Variants in CD247 observed in about 807,000 individuals in gnomAD.
The protein encoded by CD247 is T-cell surface glycoprotein CD3 zeta chain.
CD247 carries 13 observed loss-of-function variants against 30.0 expected under a neutral mutation model. That is an observed-to-expected ratio of 0.43 (90% CI 0.28 to 0.69). The LOEUF (loss-of-function observed/expected upper bound fraction) is 0.69. Among genes scored for constraint, CD247 ranks in the 30% least tolerant of loss-of-function variants. The pLI is 0.16. For missense variants in CD247, 193 were observed against 212.6 expected, an observed-to-expected ratio of 0.91 and a Z score of 0.57; for synonymous variants, 72 against 80.0, an observed-to-expected ratio of 0.90 and a Z score of 0.53.
chr1:167,457,711 C>A (rs1238640301), intron 1 of CD247: 1 of 152,296 alleles, frequency 6.6e-6, no homozygotes, highest in African/African-American at 2.4e-5. Context: ...GATTCCTTCT[C>A]CCAAAGCTCC....
chr1:167,489,192 C>A (rs971837287), intron 1 of CD247, among the ~76,000 whole-genome samples: 2 of 152,134 alleles, frequency 1.3e-5, no homozygotes, highest in African/African-American at 2.4e-5. Context: ...AAGGATCCAA[C>A]CCCCCTTCCC....
chr1:167,488,583 G>T (rs535648459), intron 1 of CD247, among the ~76,000 whole-genome samples: 35 of 152,306 alleles, frequency 2.3e-4, no homozygotes, highest in African/African-American at 6.5e-4. Context: ...ACACTGAGGG[G>T]AACCGGATAT....
At chr1:167,464,657 TG>T (rs1474150551) in intron 1 of CD247, among the ~76,000 whole-genome samples, 2 of 152,196 alleles carry the variant, frequency 1.3e-5, no homozygotes, top group African/African-American at 4.8e-5. Flanking sequence ...AGTAGAAAGC[TG>T]GGGAAACAGG....
chr1:167,516,323 C>T (rs543879329), intron 1 of CD247, among the ~76,000 whole-genome samples: 1 of 152,406 alleles, frequency 6.6e-6, no homozygotes, highest in East Asian at 1.9e-4. Context: ...GCCCTGGTGA[C>T]TGTCTTGGTA....
chr1:167,491,284 A>ACTGGCCGGGCG lies in CD247; in HGVS notation c.58+27113_58+27123dup, dbSNP rs1654433963. On this transcript the variant is annotated intron_variant, in intron 1 of 7. Coordinates refer to ENST00000362089, the MANE Select transcript of CD247 (RefSeq NM_198053.3). ...TCCTCAGAAAGTTAAAAATAGAACT[A>ACTGGCCGGGCG]CTGGCCGGGCGCAGTGGCTCATGCC... 2.0e-5 allele frequency among the ~76,000 whole-genome samples: 3 copies of ACTGGCCGGGCG among 152,136 alleles called. No individual in the cohort carries two copies. The East Asian group carries it at 5.8e-4, about 30-fold the overall frequency.
chr1:167,484,071 C>A (rs1033739785), intron 1 of CD247, among the ~76,000 whole-genome samples: 1 of 152,190 alleles, frequency 6.6e-6, no homozygotes, highest in Non-Finnish European at 1.5e-5. Flanking sequence ...GGCCGGGGGC[C>A]GTGGGGTTCA....
intron 1 of CD247, among the ~76,000 whole-genome samples, chr1:167,442,081 A>T (rs1651861022): frequency 6.6e-6 from 1 of 152,256 alleles, no homozygotes; most frequent in Admixed American, 6.5e-5. Context: ...ACTGCACTTC[A>T]GCCTGGCACA....
At chr1:167,452,429 A>G (rs1007911216) in intron 1 of CD247, among the ~76,000 whole-genome samples, 1 of 151,504 alleles carries the variant, frequency 6.6e-6, no homozygotes, top group Middle Eastern at 3.4e-3. Flanking sequence ...AAAAAAAAAA[A>G]GATGAGATTA....
chr1:167,505,413 A>G (rs1655074855), intron 1 of CD247, among the ~76,000 whole-genome samples: 1 of 152,230 alleles, frequency 6.6e-6, no homozygotes. Flanking sequence ...CACTCTGGCT[A>G]AATTTACTTG....
At chr1:167,434,662 G>T (rs1031533045) in intron 5 of CD247, 1 of 403,604 alleles carries the variant, frequency 2.5e-6, no homozygotes, top group Non-Finnish European at 5.0e-6. Flanking sequence ...GAAGGGGCCA[G>T]CCACCTCGTC....
intron 5 of CD247, chr1:167,434,354 G>A: frequency 3.9e-6 from 2 of 518,272 alleles, no homozygotes; most frequent in Non-Finnish European, 3.5e-6. Context: ...GATAGGAGGT[G>A]GAGTTCTAGA....
At chr1:167,453,711 T>A (rs987609312) in intron 1 of CD247, among the ~76,000 whole-genome samples, 1 of 152,238 alleles carries the variant, frequency 6.6e-6, no homozygotes, top group African/African-American at 2.4e-5. Flanking sequence ...CTCATGCCTG[T>A]AATCCTAGCA....
chr1:167,440,566 C>G, intron 2 of CD247, 98 bp downstream of exon 2: 1 of 789,166 alleles, frequency 1.3e-6, no homozygotes, highest in Admixed American at 2.0e-5. Context: ...AAGCCCCAGG[C>G]ACCACCCGAG....
chr1:167,500,567 A>G (rs1412370940), intron 1 of CD247, among the ~76,000 whole-genome samples: 1 of 152,140 alleles, frequency 6.6e-6, no homozygotes, highest in African/African-American at 2.4e-5. Flanking sequence ...TCTAACACAC[A>G]TGGTTTCTTA....
intron 1 of CD247, among the ~76,000 whole-genome samples, chr1:167,489,667 G>A (rs918132171): frequency 6.6e-6 from 1 of 152,166 alleles, no homozygotes; most frequent in Non-Finnish European, 1.5e-5. Flanking sequence ...CTGGCTCTCA[G>A]AAAGGAGGCT....
intron 1 of CD247, among the ~76,000 whole-genome samples, chr1:167,480,353 A>C (rs1214610): frequency 0.2 from 31,011 of 152,106 alleles, 3,459 homozygotes; most frequent in Admixed American, 0.31. Context: ...AGATGAGGCC[A>C]CACAAGTCTT....
chr1:167,512,825 T>C (rs1424675500), intron 1 of CD247, among the ~76,000 whole-genome samples: 6 of 152,200 alleles, frequency 3.9e-5, no homozygotes, highest in Non-Finnish European at 8.8e-5. Flanking sequence ...GGAAGGCGGC[T>C]CAGGACTTCT....
chr1:167,433,577 C>T (rs962314006), intron 6 of CD247, among the ~76,000 whole-genome samples: 5 of 152,198 alleles, frequency 3.3e-5, no homozygotes, highest in Non-Finnish European at 5.9e-5. Context: ...CTACAGAGAA[C>T]CCCTGCTTGG....
In CD247 at chr1:167,486,570, G is replaced by A. The variant is rs150520299; in HGVS notation, c.58+31838C>T. Among the ~76,000 whole-genome samples the A allele has an allele frequency of 2.0e-3, 301 of 152,388 alleles. 2 individuals carry two copies. The highest frequency in any genetic ancestry group is 6.6e-3 in the African/African-American group (276 of 41,592). ...CCCGCCTCGAGTTTGCGGATAGCAT[G>A]ATTTGGCAGGCATGCCACTGACGGC... On this transcript the variant is annotated intron_variant, in intron 1 of 7. Transcript: ENST00000362089.
Sources: gnomAD v4.1 joint callset for allele counts (sites outside exome capture counted in the v4.1 genomes callset) on GRCh38, gnomAD v4.1.1 for gene constraint, MANE v1.5 for transcripts, NCBI Gene and HGNC (gene_info 2026-07-23, HGNC 2026-07-21) for gene names.